GABBR2: variants seen among roughly 807,000 people sequenced by gnomAD.
GABBR2 encodes gamma-aminobutyric acid type B receptor subunit 2.
Under a neutral mutation model 105.6 loss-of-function variants are expected in GABBR2, and 23 were observed. That is an observed-to-expected ratio of 0.22 (90% CI 0.16 to 0.31). GABBR2 has a LOEUF of 0.31. GABBR2 is among the 10% of genes least tolerant of loss of function. The pLI is 1.00. For missense variants in GABBR2, 734 were observed against 1,245.5 expected (o/e 0.59, Z 6.18); for synonymous variants, 478 against 499.7 (o/e 0.96, Z 0.58).
rs567661861 is a variant in GABBR2 at position 98,428,071 on chromosome 9, C to T, written c.1237-21930G>A. 3.3e-5 allele frequency among the ~76,000 whole-genome samples: 5 copies of T among 152,326 alleles called. No homozygotes were observed. In the East Asian group the frequency reaches 7.7e-4, roughly 23 times the overall value. ...TGTATTGTTGTTTTAAGCCACTACA[C>T]TTTGGGATCATTTGTTACGACTTAA... On this transcript the variant is annotated intron_variant, in intron 7 of 18. Transcript: ENST00000259455.
At chr9:98,618,486 A>ATATCTCTC (rs1445740868) in intron 1 of GABBR2, among the ~76,000 whole-genome samples, 1 of 145,072 alleles carries the variant, frequency 6.9e-6, no homozygotes, top group South Asian at 2.3e-4. Context: ...GGTCTGCTGC[A>ATATCTCTC]TCTCTCTCTC....
chr9:98,617,886 A>G (rs1418493366), intron 1 of GABBR2, among the ~76,000 whole-genome samples: 1 of 152,086 alleles, frequency 6.6e-6, no homozygotes, highest in Non-Finnish European at 1.5e-5. Flanking sequence ...TGATGCCCCC[A>G]CTACCTGCAG....
intron 1 of GABBR2, among the ~76,000 whole-genome samples, chr9:98,699,175 C>A (rs1454567944): frequency 6.6e-6 from 1 of 152,080 alleles, no homozygotes; most frequent in South Asian, 2.1e-4. Context: ...CACTGGTTAG[C>A]GTATTGCTCC....
At chr9:98,469,133 A>G (rs2131625000) in intron 6 of GABBR2, among the ~76,000 whole-genome samples, 1 of 152,364 alleles carries the variant, frequency 6.6e-6, no homozygotes, top group Middle Eastern at 3.4e-3. Flanking sequence ...ACACTGCTAT[A>G]AAGAACCACC....
chr9:98,586,605 T>C (rs1245977195), intron 1 of GABBR2, among the ~76,000 whole-genome samples: 1 of 152,220 alleles, frequency 6.6e-6, no homozygotes, highest in African/African-American at 2.4e-5. Flanking sequence ...AGCCCCTTCT[T>C]TGCTTTTCTT....
chr9:98,632,383 C>T (rs1245050025), intron 1 of GABBR2, among the ~76,000 whole-genome samples: 1 of 152,138 alleles, frequency 6.6e-6, no homozygotes, highest in Non-Finnish European at 1.5e-5. Flanking sequence ...AGTTCCTTGC[C>T]TTATTCAGTG....
At chr9:98,452,388 G>C (rs1826247938) in intron 7 of GABBR2, among the ~76,000 whole-genome samples, 1 of 152,124 alleles carries the variant, frequency 6.6e-6, no homozygotes. Flanking sequence ...CTACCACTTT[G>C]GTCCATTACC....
chr9:98,428,872 G>A (rs1825746401), intron 7 of GABBR2, among the ~76,000 whole-genome samples: 1 of 152,166 alleles, frequency 6.6e-6, no homozygotes, highest in Non-Finnish European at 1.5e-5. Flanking sequence ...TGGAGAGCTG[G>A]AGAAACCTCA....
intron 3 of GABBR2, among the ~76,000 whole-genome samples, chr9:98,499,370 C>T (rs1827352531): frequency 6.6e-6 from 1 of 152,176 alleles, no homozygotes. Context: ...AGTGTGATTC[C>T]CAGTCCTGGC....
rs1276637657 is a variant in GABBR2, at chr9:98,306,423, A to G, written c.2005-78T>C. ...CACAGGCTGCTCTGAGAAGCTGTGG[A>G]GTGGAGGGTTACTCAGGAGGTGGGC... On this transcript the variant is annotated intron_variant, in intron 14 of 18. Coordinates refer to ENST00000259455, the MANE Select transcript of GABBR2 (RefSeq NM_005458.8). The surrounding 1 kb of genome is among the most constrained non-coding windows in gnomAD (Gnocchi z 5.4). 1.7e-6 allele frequency: 1 copy of G among 581,356 alleles called. No homozygotes were observed. Among genetic ancestry groups the G allele is most frequent in the Non-Finnish European group, 3.1e-6 (1 of 323,434 alleles). The allele number at this position is 581,356 out of a possible 1,614,324, so 36.0% of individuals were successfully genotyped here. A position where few individuals can be genotyped will look rare whatever the true frequency, so the allele number is the denominator to read the frequency against.
At chr9:98,605,824 A>G (rs906241662) in intron 1 of GABBR2, among the ~76,000 whole-genome samples, 3 of 152,200 alleles carry the variant, frequency 2.0e-5, no homozygotes, top group African/African-American at 7.2e-5. Context: ...CATGTGCACA[A>G]CGTGGTCTGT....
At chr9:98,379,250 A>G (rs1187164327) in intron 11 of GABBR2, among the ~76,000 whole-genome samples, 2 of 152,066 alleles carry the variant, frequency 1.3e-5, no homozygotes, top group Non-Finnish European at 2.9e-5. Flanking sequence ...GCCAGCATCA[A>G]CCGGTTTTCC....
intron 1 of GABBR2, among the ~76,000 whole-genome samples, chr9:98,675,878 G>A (rs1018463511): frequency 1.3e-5 from 2 of 152,212 alleles, no homozygotes; most frequent in Non-Finnish European, 2.9e-5. Flanking sequence ...CAGAGCATCT[G>A]TGTGGCAGGC....
At chr9:98,624,550 G>A (rs1348303282) in intron 1 of GABBR2, among the ~76,000 whole-genome samples, 4 of 152,212 alleles carry the variant, frequency 2.6e-5, no homozygotes, top group African/African-American at 9.7e-5. Flanking sequence ...GAGAGACTTA[G>A]GGTAGGAGGG....
In GABBR2 at chr9:98,603,397, C is replaced by T. The variant is rs191109012; in HGVS notation, c.322-25325G>A. On this transcript the variant is annotated intron_variant, in intron 1 of 18. Transcript: ENST00000259455. ...GCTAGAGAGAGGAGGAATTTAATAT[C>T]GCTAATTACTTTTTAGGGAGCAGTT... 2.7e-3 allele frequency among the ~76,000 whole-genome samples: 409 copies of T among 152,314 alleles called. 4 individuals carry two copies. The highest frequency in any genetic ancestry group is 8.9e-3 in the African/African-American group (369 of 41,562).
intron 5 of GABBR2, among the ~76,000 whole-genome samples, chr9:98,480,455 G>T (rs1826892631): frequency 6.6e-6 from 1 of 152,158 alleles, no homozygotes; most frequent in South Asian, 2.1e-4. Flanking sequence ...AATCATAGTT[G>T]CTTCACATGG....
intron 1 of GABBR2, among the ~76,000 whole-genome samples, chr9:98,578,929 T>C (rs995307371): frequency 2.6e-5 from 4 of 151,964 alleles, no homozygotes; most frequent in Non-Finnish European, 5.9e-5. Context: ...AGAAAGAAAG[T>C]AGAAATGGTG....
chr9:98,607,068 G>A, intron 1 of GABBR2: 2 of 1,481,782 alleles, frequency 1.3e-6, no homozygotes, highest in Non-Finnish European at 1.9e-6. Context: ...CAGAAAATCA[G>A]TTAAGAGATC....
intron 1 of GABBR2, among the ~76,000 whole-genome samples, chr9:98,695,738 C>T (rs1830741734): frequency 6.6e-6 from 1 of 152,132 alleles, no homozygotes; most frequent in Non-Finnish European, 1.5e-5. Flanking sequence ...GAGTATCATC[C>T]CCATCTCACG....
Sources: gnomAD v4.1 joint callset for allele counts (sites outside exome capture counted in the v4.1 genomes callset) on GRCh38, gnomAD v4.1.1 for gene constraint, Gnocchi (gnomAD v3.1) non-coding constraint, MANE v1.5 for transcripts, NCBI Gene and HGNC (gene_info 2026-07-23, HGNC 2026-07-21) for gene names.